TP53I13: variants seen among roughly 807,000 people sequenced by gnomAD.
TP53I13 encodes the protein tumor protein p53-inducible protein 13.
Under a neutral mutation model 39.1 loss-of-function variants are expected in TP53I13, and 27 were observed. The ratio of observed to expected loss-of-function variants is 0.69; its 90% CI spans 0.51 to 0.95. The LOEUF (loss-of-function observed/expected upper bound fraction) is 0.95. TP53I13 is among the 40% of genes least tolerant of loss of function. The pLI is 0.00. For synonymous variants in TP53I13, 230 were observed against 224.6 expected (o/e 1.02, Z -0.22); for missense variants, 544 against 520.4 (o/e 1.05, Z -0.44).
Position 29,572,878 on chromosome 17 carries a change from T to TC in TP53I13, c.1139dup (p.Pro381AlafsTer65). On this transcript the variant is annotated frameshift_variant, in exon 7 of 7. Transcript: ENST00000301057. LOFTEE classifies it high-confidence loss of function. ...AAGCGCTCGCGCCGGAGACCCCTCC[T>TC]CCCGCCCACGCCGGACAGCGGCCCG... is the stretch of plus-strand genomic sequence containing the variant. 1 of 1,517,786 alleles carries TC rather than the reference T, an allele frequency of 6.6e-7. No homozygotes were observed. The highest frequency in any genetic ancestry group is 2.0e-5 in the Admixed American group (1 of 49,444). The allele number at this position is 1,517,786 out of a possible 1,614,324, so 94.0% of individuals were successfully genotyped here.
chr17:29,576,133 T>C, downstream of TP53I13: 2 of 1,613,722 alleles, frequency 1.2e-6, no homozygotes, highest in Non-Finnish European at 1.7e-6. Flanking sequence ...CTCTAGCTCC[T>C]GGGGATGTTA....
At chr17:29,581,917 C>T in the TP53I13 span, 19 of 1,612,502 alleles carry the variant, frequency 1.2e-5, no homozygotes, top group South Asian at 3.3e-5. The surrounding 1 kb of genome is among the most constrained non-coding windows in gnomAD (Gnocchi z 4.8). Context: ...ACCCTTCAGC[C>T]GACCCTCACC....
downstream of TP53I13, chr17:29,576,493 T>TC: frequency 1.2e-6 from 2 of 1,613,182 alleles, no homozygotes; most frequent in South Asian, 1.1e-5. Flanking sequence ...GTCCTGGGGC[T>TC]CCCCCTCCCA....
intron 2 of TP53I13, 91 bp from the exon 3 acceptor site, chr17:29,569,227 A>G (rs2032830725): frequency 3.3e-6 from 5 of 1,520,050 alleles, no homozygotes; most frequent in Non-Finnish European, 4.5e-6. Flanking sequence ...TCTCCATCCC[A>G]GCCTGGCGCT....
At chr17:29,582,139 T>C in the TP53I13 span, 3 of 1,567,716 alleles carry the variant, frequency 1.9e-6, no homozygotes, top group Non-Finnish European at 2.6e-6. Flanking sequence ...CGCTCGAGTG[T>C]AGTTGCTAAG....
At chr17:29,581,005 C>G in the TP53I13 span, 1 of 324,328 alleles carries the variant, frequency 3.1e-6, no homozygotes, top group Non-Finnish European at 6.0e-6. The surrounding 1 kb of genome is among the most constrained non-coding windows in gnomAD (Gnocchi z 4.8). Flanking sequence ...TCTTGAACTC[C>G]CGACCTCAGG....
upstream of TP53I13, chr17:29,567,454 T>C (rs2032749763): frequency 6.6e-6 from 1 of 151,206 alleles, no homozygotes; most frequent in African/African-American, 2.4e-5. The surrounding 1 kb of genome is among the most constrained non-coding windows in gnomAD (Gnocchi z 6.6). Flanking sequence ...CGGGACCCCG[T>C]GGGGCGGCGG....
chr17:29,581,588 G>C, the TP53I13 span: 1 of 701,298 alleles, frequency 1.4e-6, no homozygotes, highest in Non-Finnish European at 2.5e-6. This position sits in a 1 kb window ranked among gnomAD's most constrained non-coding sequence, Gnocchi z 4.8. Context: ...CTATGGCCCA[G>C]AGCCTGCAGT....
chr17:29,578,377 G>T, the TP53I13 span: 1 of 1,613,824 alleles, frequency 6.2e-7, no homozygotes, highest in Non-Finnish European at 8.5e-7. Context: ...CTGAGCTGGA[G>T]GAAGAGAGGG....
downstream of TP53I13, chr17:29,576,340 C>T (rs375629748): frequency 9.1e-5 from 146 of 1,613,186 alleles, no homozygotes; most frequent in Non-Finnish European, 1.2e-4. Flanking sequence ...GGTGTGTGCT[C>T]CCGCCTGGCG....
In TP53I13 at chr17:29,573,105, G is replaced by A. The variant is rs2033032893; in HGVS notation, c.*181G>A. ...GGCGGCCAAGGGGAGAAAAGGAGCC[G>A]CTTCTGCCTCCCTTGCCAAAACTCC... On this transcript the variant is annotated 3_prime_UTR_variant, in exon 7 of 7. Transcript: ENST00000301057. The A allele has an allele frequency of 4.4e-6, 2 of 452,388 alleles. No individual in the cohort carries two copies. The highest frequency in any genetic ancestry group is 3.7e-5 in the East Asian group (1 of 26,938). The allele number at this position is 452,388 out of a possible 1,614,324, so 28.0% of individuals were successfully genotyped here.
downstream of TP53I13, chr17:29,574,643 G>T: frequency 7.5e-7 from 1 of 1,327,956 alleles, no homozygotes; most frequent in Non-Finnish European, 1.1e-6. Context: ...TGTCTGGAGT[G>T]GCCCAGCTCC....
At chr17:29,575,799 A>G, downstream of TP53I13, 2 of 1,612,984 alleles carry the variant, frequency 1.2e-6, 1 homozygote, top group South Asian at 2.2e-5. This position sits in a 1 kb window ranked among gnomAD's most constrained non-coding sequence, Gnocchi z 5.5. Flanking sequence ...GGCACTGGGC[A>G]TGGAAACATT....
At chr17:29,569,467 C>A in intron 3 of TP53I13, 108 bp downstream of exon 3, 1 of 1,100,374 alleles carries the variant, frequency 9.1e-7, no homozygotes, top group Non-Finnish European at 1.3e-6. Context: ...CTTACCACTT[C>A]CCTCAGGCAG....
the TP53I13 span, among the ~76,000 whole-genome samples, chr17:29,579,686 G>A: frequency 3.3e-5 from 5 of 151,670 alleles, no homozygotes; most frequent in Admixed American, 6.6e-5. Context: ...TCAAGCCACC[G>A]CACTCCAGCC....
downstream of TP53I13, chr17:29,577,218 G>A (rs1276508892): frequency 1.9e-6 from 3 of 1,613,746 alleles, no homozygotes; most frequent in Non-Finnish European, 1.7e-6. Context: ...CAAACTCTCG[G>A]GCATTAAAGC....
chr17:29,568,850 G>A lies in TP53I13; in HGVS notation c.72+20G>A. On this transcript the variant is annotated intron_variant, in intron 1 of 6. Coordinates refer to ENST00000301057, the MANE Select transcript of TP53I13 (RefSeq NM_138349.4). The surrounding 1 kb of genome is among the most constrained non-coding windows in gnomAD (Gnocchi z 4.5). ...AGCGAGGTAAGGTGACCCGCTCCTGGGAAGGCCTCGGCCCGCGAGCTCAAA... is the reference window on the plus strand; with the variant it reads ...AGCGAGGTAAGGTGACCCGCTCCTGAGAAGGCCTCGGCCCGCGAGCTCAAA... 6.3e-7 allele frequency: 1 copy of A among 1,599,968 alleles called. No homozygotes were observed. The highest frequency in any genetic ancestry group is 1.1e-5 in the South Asian group (1 of 91,058).
At chr17:29,578,017 G>C (rs1003059176), downstream of TP53I13, among the ~76,000 whole-genome samples, 1 of 152,242 alleles carries the variant, frequency 6.6e-6, no homozygotes, top group Non-Finnish European at 1.5e-5. Context: ...GAGTGATGCA[G>C]GGGGGTGGAG....
upstream of TP53I13, chr17:29,566,988 C>G (rs1002601408): frequency 7.7e-7 from 1 of 1,291,894 alleles, no homozygotes; most frequent in South Asian, 2.5e-5. Context: ...AGAGCCCCGG[C>G]GGGCAGCGGG....
Sources: allele counts gnomAD v4.1 joint callset (sites outside exome capture counted in the v4.1 genomes callset), GRCh38; gene constraint gnomAD v4.1.1; non-coding constraint Gnocchi (gnomAD v3.1); transcripts MANE v1.5; gene names NCBI Gene and HGNC (gene_info 2026-07-23, HGNC 2026-07-21).